Variants in EYS observed in about 807,000 individuals in gnomAD.
EYS encodes protein eyes shut homolog.
Under a neutral mutation model 282.1 loss-of-function variants are expected in EYS, and 250 were observed. That is an observed-to-expected ratio of 0.89 (90% CI 0.80 to 0.98). The LOEUF is 0.98. EYS is among the 50% of genes least tolerant of loss of function. EYS has a pLI of 0.00. For missense variants in EYS, 4,016 were observed against 3,709.0 expected, an observed-to-expected ratio of 1.08 and a Z score of -2.15; for synonymous variants, 1,355 against 1,282.9, an observed-to-expected ratio of 1.06 and a Z score of -1.20.
chr6:64,770,704 A>G (rs966976769), intron 22 of EYS, among the ~76,000 whole-genome samples: 130 of 151,936 alleles, frequency 8.6e-4, no homozygotes, highest in African/African-American at 3.0e-3. Context: ...AAAATGCATC[A>G]TATTTCTAGG....
chr6:64,302,595 C>G (rs761494092), intron 30 of EYS, among the ~76,000 whole-genome samples: 23 of 151,866 alleles, frequency 1.5e-4, no homozygotes, highest in East Asian at 5.8e-4. Flanking sequence ...TTTTGTCACA[C>G]GTGGAATATC....
intron 33 of EYS, among the ~76,000 whole-genome samples, chr6:64,000,496 G>A (rs372952079): frequency 4.1e-4 from 62 of 151,552 alleles, no homozygotes; most frequent in African/African-American, 1.5e-3. Context: ...CACCGAGCCC[G>A]GCAGGACTTT....
At chr6:64,289,651 C>G (rs539320050) in intron 30 of EYS, among the ~76,000 whole-genome samples, 1 of 151,960 alleles carries the variant, frequency 6.6e-6, no homozygotes, top group Admixed American at 6.6e-5. Flanking sequence ...ATATGCTTTA[C>G]GAGGAGCAGA....
intron 28 of EYS, among the ~76,000 whole-genome samples, chr6:64,410,032 T>C (rs1472327241): frequency 6.6e-6 from 1 of 151,886 alleles, no homozygotes; most frequent in Non-Finnish European, 1.5e-5. Flanking sequence ...CACAGACGAG[T>C]TACTCTTGGG....
chr6:64,246,372 A>C (rs936654716), intron 30 of EYS, among the ~76,000 whole-genome samples: 2 of 152,110 alleles, frequency 1.3e-5, no homozygotes, highest in Non-Finnish European at 2.9e-5. Flanking sequence ...GTTATTTTTA[A>C]ATCTTCCGTA....
In EYS at chr6:64,711,101, T is replaced by C. The variant is rs1032567719; in HGVS notation, c.3444-84856A>G. Among the ~76,000 whole-genome samples, 7 of 152,138 alleles carry C rather than the reference T, an allele frequency of 4.6e-5. No homozygotes were observed. In the South Asian group the frequency reaches 1.4e-3, roughly 31 times the overall value. On this transcript the variant is annotated intron_variant, in intron 22 of 42. Coordinates refer to ENST00000503581, the MANE Select transcript of EYS (RefSeq NM_001142800.2). ...TCATCTTGACAAGACATGAATTAGG[T>C]GTTAATACTGTAATTAGGCGTCTCA...
chr6:65,154,796 T>G (rs2150217574), intron 12 of EYS, among the ~76,000 whole-genome samples: 1 of 151,770 alleles, frequency 6.6e-6, no homozygotes, highest in Non-Finnish European at 1.5e-5. Context: ...TCAGTCAGGA[T>G]ATGTAATTAT....
chr6:64,853,735 A>G, intron 19 of EYS, among the ~76,000 whole-genome samples: 1 of 152,176 alleles, frequency 6.6e-6, no homozygotes, highest in Non-Finnish European at 1.5e-5. Context: ...AATGGCAACA[A>G]AAGCCAAAAT....
intron 2 of EYS, among the ~76,000 whole-genome samples, chr6:65,630,478 A>G (rs1420841200): frequency 6.6e-6 from 1 of 152,238 alleles, no homozygotes; most frequent in Non-Finnish European, 1.5e-5. Flanking sequence ...AGTAGAACTT[A>G]CATATTTCTC....
chr6:65,319,394 A>G (rs192838129), intron 11 of EYS, among the ~76,000 whole-genome samples: 32 of 150,976 alleles, frequency 2.1e-4, no homozygotes, highest in Admixed American at 2.0e-3. Context: ...AAAATAATAT[A>G]TATATATATT....
Position 65,228,627 on chromosome 6 carries a change from A to G in EYS, c.2023+67236T>C, listed in dbSNP as rs181683742. On this transcript the variant is annotated intron_variant, in intron 12 of 42. Coordinates refer to ENST00000503581, the MANE Select transcript of EYS (RefSeq NM_001142800.2). Reference sequence around the variant, plus strand: ...TAATTCTCCACAAATTGATCTACAGATTAAGTATAGTCCCAGTGAAAATCC... The same window carrying G: ...TAATTCTCCACAAATTGATCTACAGGTTAAGTATAGTCCCAGTGAAAATCC... Among the ~76,000 whole-genome samples, 321 of 152,186 alleles carry G rather than the reference A, an allele frequency of 2.1e-3. 2 individuals carry two copies. The highest frequency in any genetic ancestry group is 7.1e-3 in the African/African-American group (294 of 41,586).
At chr6:65,575,167 A>G (rs1764616211) in intron 2 of EYS, among the ~76,000 whole-genome samples, 1 of 151,862 alleles carries the variant, frequency 6.6e-6, no homozygotes, top group Non-Finnish European at 1.5e-5. Context: ...CTAAAAATAC[A>G]AAATTTTTTT....
intron 28 of EYS, among the ~76,000 whole-genome samples, chr6:64,424,215 T>C (rs1368810353): frequency 6.6e-6 from 1 of 152,216 alleles, no homozygotes; most frequent in Non-Finnish European, 1.5e-5. Flanking sequence ...TTTTCATATT[T>C]TTGACAGTTT....
intron 11 of EYS, among the ~76,000 whole-genome samples, chr6:65,318,833 G>A (rs1197597055): frequency 6.7e-6 from 1 of 149,274 alleles, no homozygotes; most frequent in Non-Finnish European, 1.5e-5. Context: ...GTAGAGACGG[G>A]GTTTCACCAT....
intron 35 of EYS, among the ~76,000 whole-genome samples, chr6:63,901,737 T>C (rs2149731743): frequency 6.6e-6 from 1 of 151,984 alleles, no homozygotes; most frequent in East Asian, 1.9e-4. Context: ...ATATCCCTTA[T>C]CCGACATGTT....
chr6:65,258,618 A>C (rs1306880936), intron 12 of EYS, among the ~76,000 whole-genome samples: 1 of 152,046 alleles, frequency 6.6e-6, no homozygotes, highest in East Asian at 1.9e-4. Context: ...GCATTGGTTA[A>C]AAACTAATAA....
intron 22 of EYS, among the ~76,000 whole-genome samples, chr6:64,633,308 G>A (rs1025093863): frequency 2.0e-5 from 3 of 152,102 alleles, no homozygotes; most frequent in Non-Finnish European, 4.4e-5. Flanking sequence ...ATGAATGAAT[G>A]AAACTCAAAG....
At chr6:65,085,246 C>T (rs1316724043) in intron 12 of EYS, among the ~76,000 whole-genome samples, 2 of 152,152 alleles carry the variant, frequency 1.3e-5, no homozygotes, top group Admixed American at 1.3e-4. Context: ...CCAGAGCTTT[C>T]TTGCTTTTAT....
chr6:64,312,905 A>G (rs1329022220), intron 29 of EYS, among the ~76,000 whole-genome samples: 1 of 152,220 alleles, frequency 6.6e-6, no homozygotes, highest in Non-Finnish European at 1.5e-5. Context: ...CCAAAGATAG[A>G]TAAATCCACG....
Sources: gnomAD v4.1 joint callset for allele counts (sites outside exome capture counted in the v4.1 genomes callset) on GRCh38, gnomAD v4.1.1 for gene constraint, MANE v1.5 for transcripts, NCBI Gene and HGNC (gene_info 2026-07-23, HGNC 2026-07-21) for gene names.